FGF12: variants seen among roughly 807,000 people sequenced by gnomAD.
The protein encoded by FGF12 is fibroblast growth factor 12, also known as fibroblast growth factor 12B.
FGF12 carries 14 observed loss-of-function variants against 23.6 expected under a neutral mutation model. That is an observed-to-expected ratio of 0.59 (90% confidence interval 0.39 to 0.93). The LOEUF is 0.93. FGF12 is among the 40% of genes least tolerant of loss of function. The pLI, the probability that FGF12 is intolerant of heterozygous loss-of-function variation, is 0.00. For missense variants in FGF12, 175 were observed against 217.8 expected (o/e 0.80, Z 1.24); for synonymous variants, 62 against 77.3 (o/e 0.80, Z 1.04).
chr3:192,611,875 C>T (rs1251949756), intron 2 of FGF12, among the ~76,000 whole-genome samples: 9 of 152,018 alleles, frequency 5.9e-5, no homozygotes, highest in Middle Eastern at 6.8e-3. Flanking sequence ...AATAGCCCCA[C>T]GTTCAAATAA....
chr3:192,564,422 G>A (rs928360257), intron 2 of FGF12, among the ~76,000 whole-genome samples: 2 of 152,118 alleles, frequency 1.3e-5, no homozygotes, highest in Non-Finnish European at 2.9e-5. Flanking sequence ...TTACCTCAGG[G>A]ATTACATTTT....
chr3:192,516,458 C>T (rs1383731238), intron 2 of FGF12: 1 of 152,250 alleles, frequency 6.6e-6, no homozygotes, highest in Non-Finnish European at 1.5e-5. Context: ...TTGCATCACA[C>T]CTGTTCTCTT....
At chr3:192,610,543 T>C (rs1714515616) in intron 2 of FGF12, among the ~76,000 whole-genome samples, 1 of 152,046 alleles carries the variant, frequency 6.6e-6, no homozygotes, top group Non-Finnish European at 1.5e-5. Flanking sequence ...TTGCAATTGC[T>C]TTCTGCCTGG....
intron 2 of FGF12, among the ~76,000 whole-genome samples, chr3:192,653,600 G>A (rs1191888256): frequency 6.6e-6 from 1 of 152,070 alleles, no homozygotes; most frequent in Non-Finnish European, 1.5e-5. Flanking sequence ...ATTAGTTCCT[G>A]TATGTCCTGT....
chr3:192,393,292 A>G (rs1720386386), intron 2 of FGF12, among the ~76,000 whole-genome samples: 2 of 152,202 alleles, frequency 1.3e-5, no homozygotes, highest in African/African-American at 4.8e-5. Flanking sequence ...CAAACAGTAA[A>G]CTAGCCAGTG....
chr3:192,573,540 G>C (rs545847598), intron 2 of FGF12, among the ~76,000 whole-genome samples: 9 of 152,008 alleles, frequency 5.9e-5, no homozygotes, highest in Non-Finnish European at 1.0e-4. Context: ...AACTCTTCCT[G>C]GTTCTACAGC....
intron 4 of FGF12, among the ~76,000 whole-genome samples, chr3:192,193,902 CTG>C (rs1432552581): frequency 2.0e-5 from 3 of 152,108 alleles, no homozygotes; most frequent in Non-Finnish European, 4.4e-5. Flanking sequence ...TTGAGTTTGA[CTG>C]TGAATAAATA....
chr3:192,380,818 T>C (rs1719783743), intron 2 of FGF12, among the ~76,000 whole-genome samples: 1 of 152,060 alleles, frequency 6.6e-6, no homozygotes. Context: ...TATCCAACAG[T>C]AATATAATGC....
chr3:192,322,922 G>A (rs1255120349), intron 4 of FGF12, among the ~76,000 whole-genome samples: 2 of 152,028 alleles, frequency 1.3e-5, no homozygotes. Flanking sequence ...ATCTGAGTAG[G>A]CATTTCTCAG....
chr3:192,555,946 T>C (rs1014334068), intron 2 of FGF12, among the ~76,000 whole-genome samples: 1 of 152,070 alleles, frequency 6.6e-6, no homozygotes, highest in Non-Finnish European at 1.5e-5. Context: ...AAAAAGAGAT[T>C]GTTACAACTA....
chr3:192,182,454 T>C (rs976893530), intron 4 of FGF12, among the ~76,000 whole-genome samples: 1 of 152,164 alleles, frequency 6.6e-6, no homozygotes, highest in African/African-American at 2.4e-5. Context: ...TATAAGGATA[T>C]ACCATAAGTT....
intron 2 of FGF12, among the ~76,000 whole-genome samples, chr3:192,622,791 C>T (rs1715020639): frequency 6.6e-6 from 1 of 152,136 alleles, no homozygotes; most frequent in African/African-American, 2.4e-5. Context: ...CACACTTACA[C>T]ACAGACACAG....
intron 2 of FGF12, among the ~76,000 whole-genome samples, chr3:192,646,541 G>T (rs533820835): frequency 6.6e-6 from 1 of 152,252 alleles, no homozygotes; most frequent in Admixed American, 6.5e-5. Flanking sequence ...GTATGCAAAA[G>T]AATGAAATAC....
At chr3:192,186,898 T>C (rs1443562774) in intron 4 of FGF12, among the ~76,000 whole-genome samples, 1 of 152,220 alleles carries the variant, frequency 6.6e-6, no homozygotes, top group Non-Finnish European at 1.5e-5. Flanking sequence ...TAGTCTGCTC[T>C]TTTCAGATAT....
chr3:192,323,159 A>C (rs1716637413), intron 4 of FGF12, among the ~76,000 whole-genome samples: 1 of 152,200 alleles, frequency 6.6e-6, no homozygotes, highest in African/African-American at 2.4e-5. Flanking sequence ...AACAGTATGG[A>C]GGTTCCTCAA....
chr3:192,637,023 T>C (rs1445903941), intron 2 of FGF12, among the ~76,000 whole-genome samples: 6 of 152,172 alleles, frequency 3.9e-5, no homozygotes, highest in African/African-American at 9.7e-5. Context: ...CTGATTATCA[T>C]AGGCTGTCAG....
At chr3:192,542,136 G>T (rs1250952484) in intron 2 of FGF12, among the ~76,000 whole-genome samples, 1 of 150,974 alleles carries the variant, frequency 6.6e-6, no homozygotes, top group African/African-American at 2.4e-5. Context: ...GCCTCCCAAA[G>T]TGCTGGGATT....
intron 2 of FGF12, among the ~76,000 whole-genome samples, chr3:192,504,442 C>T (rs1308712198): frequency 6.6e-6 from 1 of 152,160 alleles, no homozygotes; most frequent in Non-Finnish European, 1.5e-5. Flanking sequence ...ACTTCCTGGC[C>T]CACAAAAGAG....
At chr3:192,579,973 C>A (rs188510000) in intron 2 of FGF12, among the ~76,000 whole-genome samples, 1 of 152,100 alleles carries the variant, frequency 6.6e-6, no homozygotes, top group African/African-American at 2.4e-5. Context: ...TACTGAGGGC[C>A]GTTTCCTGGG....
Sources: gnomAD v4.1 joint callset for allele counts (sites outside exome capture counted in the v4.1 genomes callset) on GRCh38, gnomAD v4.1.1 for gene constraint, MANE v1.5 for transcripts, NCBI Gene and HGNC (gene_info 2026-07-23, HGNC 2026-07-21) for gene names.